The following BICRAL variants were observed in gnomAD, a reference collection of about 807,000 sequenced individuals.
BICRAL encodes BICRA like chromatin remodeling complex associated protein.
BICRAL carries 8 observed loss-of-function variants against 91.8 expected under a neutral mutation model. The ratio of observed to expected loss-of-function variants is 0.09; its 90% confidence interval spans 0.05 to 0.16. BICRAL has a LOEUF of 0.16. Ranked by LOEUF, BICRAL falls within the 10% of genes least tolerant of loss-of-function variation. The probability of loss-of-function intolerance (pLI) is 1.00; values close to 1 mark genes in which losing one functional copy is unlikely to be tolerated. For missense variants in BICRAL, 1,038 were observed against 1,310.9 expected, an observed-to-expected ratio of 0.79 and a Z score of 3.21; for synonymous variants, 445 against 491.1, an observed-to-expected ratio of 0.91 and a Z score of 1.24.
intron 6 of BICRAL, among the ~76,000 whole-genome samples, chr6:42,850,502 G>A (rs541850811): frequency 9.2e-5 from 14 of 151,556 alleles, no homozygotes; most frequent in African/African-American, 3.1e-4. Context: ...CCTGGGCAAC[G>A]GAGCACGACT....
chr6:42,811,965 C>T (rs1763855195), intron 2 of BICRAL, among the ~76,000 whole-genome samples: 1 of 152,134 alleles, frequency 6.6e-6, no homozygotes, highest in African/African-American at 2.4e-5. Context: ...AAGGATCAGA[C>T]ATTTTGTAAA....
Position 42,821,463 on chromosome 6 carries a change from C to T in BICRAL, c.-5-555C>T, listed in dbSNP as rs562134654. 3.9e-5 allele frequency among the ~76,000 whole-genome samples: 6 copies of T among 152,200 alleles called. No individual in the cohort carries two copies. In the South Asian group the frequency reaches 6.2e-4, roughly 16 times the overall value. ...CTGCTGCAAAAGGAGAATGTGGGAC[C>T]GGCCGGCCAGAGCCTGCAGAGACTG... On this transcript the variant is annotated intron_variant, in intron 2 of 12. Coordinates refer to ENST00000314073, the MANE Select transcript of BICRAL (RefSeq NM_001393499.1).
chr6:42,843,848 G>T (rs749122875), intron 6 of BICRAL, among the ~76,000 whole-genome samples: 4 of 143,796 alleles, frequency 2.8e-5, no homozygotes, highest in African/African-American at 1.0e-4. Context: ...TCACCCAGGC[G>T]AGTGCAATAG....
At chr6:42,784,045 C>T (rs985515807) in intron 1 of BICRAL, among the ~76,000 whole-genome samples, 1 of 152,132 alleles carries the variant, frequency 6.6e-6, no homozygotes, top group Non-Finnish European at 1.5e-5. Context: ...CGCTTCGTTT[C>T]TTAGTTTTAC....
intron 6 of BICRAL, among the ~76,000 whole-genome samples, chr6:42,848,355 C>T (rs943299616): frequency 6.6e-6 from 1 of 151,928 alleles, no homozygotes; most frequent in African/African-American, 2.4e-5. Flanking sequence ...GTCAAGGCTA[C>T]GGTGAGCTGT....
In BICRAL at chr6:42,829,082, G is replaced by A; in HGVS notation, c.749G>A (p.Ser250Asn). The A allele has an allele frequency of 6.2e-7, 1 of 1,614,162 alleles. No homozygotes were observed. Among genetic ancestry groups the A allele is most frequent in the Non-Finnish European group, 8.5e-7 (1 of 1,180,022 alleles). ...GSGQQAPSNV[S>N]GGLLVHRQTP... ...GGGCAGCAAGCCCCATCAAATGTGAGTGGAGGGCTCCTGGTTCATAGACAG... is the reference window on the plus strand; with the variant it reads ...GGGCAGCAAGCCCCATCAAATGTGAATGGAGGGCTCCTGGTTCATAGACAG... Residue 250 changes from serine (S) to asparagine (N), a missense_variant, in exon 6 of 13, where the codon AGT becomes AAT. Ser to Asn is a conservative substitution (Grantham distance 46). This residue lies in a region of BICRAL where 532 missense variants were observed against 724.9 expected (regional missense o/e 0.73). Coordinates refer to ENST00000314073, the MANE Select transcript of BICRAL (RefSeq NM_001393499.1).
At chr6:42,791,070 G>T (rs933913686) in intron 1 of BICRAL, among the ~76,000 whole-genome samples, 3 of 152,064 alleles carry the variant, frequency 2.0e-5, no homozygotes, top group Non-Finnish European at 4.4e-5. Flanking sequence ...CAGTTGAGGA[G>T]AGCTCAGGGG....
chr6:42,847,370 G>A (rs1402803346), intron 6 of BICRAL, among the ~76,000 whole-genome samples: 1 of 152,134 alleles, frequency 6.6e-6, no homozygotes, highest in Non-Finnish European at 1.5e-5. Flanking sequence ...AGTTTGCTGA[G>A]AGTTTTTTTC....
chr6:42,782,356 G>GGGGT (rs1467948012), intron 1 of BICRAL, among the ~76,000 whole-genome samples: 1 of 64,410 alleles, frequency 1.6e-5, no homozygotes, highest in African/African-American at 6.1e-5. Context: ...GGGGGGGTGG[G>GGGGT]TTTGTGGGTG....
intron 1 of BICRAL, among the ~76,000 whole-genome samples, chr6:42,774,175 A>C (rs1277556662): frequency 3.9e-5 from 6 of 152,138 alleles, no homozygotes; most frequent in African/African-American, 1.4e-4. Flanking sequence ...GGTTTGGAGG[A>C]GGAGAGGTCA....
At chr6:42,845,037 C>T (rs1042790983) in intron 6 of BICRAL, among the ~76,000 whole-genome samples, 1 of 151,782 alleles carries the variant, frequency 6.6e-6, no homozygotes, top group African/African-American at 2.4e-5. Context: ...GATTACTGGA[C>T]AGCTGTGGGG....
At chr6:42,750,644 C>T (rs977525984) in intron 1 of BICRAL, among the ~76,000 whole-genome samples, 1 of 152,104 alleles carries the variant, frequency 6.6e-6, no homozygotes, top group Non-Finnish European at 1.5e-5. Context: ...GGCGCGATCT[C>T]GGCTTACTGC....
chr6:42,835,202 C>CA (rs1030291300), intron 6 of BICRAL, among the ~76,000 whole-genome samples: 29 of 151,862 alleles, frequency 1.9e-4, no homozygotes, highest in African/African-American at 7.0e-4. Context: ...GATATCTGCT[C>CA]ACTGCAACCT....
chr6:42,857,614 A>AAAAAAAAAAAT, intron 10 of BICRAL, among the ~76,000 whole-genome samples: 10 of 96,242 alleles, frequency 1.0e-4, no homozygotes, highest in South Asian at 6.6e-4. Flanking sequence ...AAAAAAAAAA[A>AAAAAAAAAAAT]ATATATATAT....
rs138265432 is a variant in BICRAL, at chr6:42,865,241, A to G, written c.3035A>G (p.Lys1012Arg). 1.2e-3 allele frequency: 1,895 copies of G among 1,614,206 alleles called. 2 individuals carry two copies. Among genetic ancestry groups the G allele is most frequent in the Non-Finnish European group, 1.5e-3 (1,716 of 1,180,024 alleles). The change falls in exon 13 of 13, where the codon AAG becomes AGG. Residue 1012 changes from lysine (K) to arginine (R), a missense_variant. Lys to Arg is a conservative substitution (Grantham distance 26). Coordinates refer to ENST00000314073, the MANE Select transcript of BICRAL (RefSeq NM_001393499.1). Reference protein sequence around the residue: ...QLTKSLETTFKNILELKKAGR... With the variant: ...QLTKSLETTFRNILELKKAGR... ...ACAAAGAGCTTGGAAACCACATTTA[A>G]GAACATCTTGGAACTCAAAAAGGCG... is the stretch of plus-strand genomic sequence containing the variant.
intron 1 of BICRAL, among the ~76,000 whole-genome samples, chr6:42,752,386 G>A (rs1027435900): frequency 3.3e-5 from 5 of 152,220 alleles, no homozygotes; most frequent in African/African-American, 1.2e-4. Context: ...GATAAAAACA[G>A]ACATCGTCCC....
intron 1 of BICRAL, among the ~76,000 whole-genome samples, chr6:42,790,479 A>G (rs1221108828): frequency 6.6e-6 from 1 of 151,436 alleles, no homozygotes; most frequent in African/African-American, 2.4e-5. Context: ...TCCTGCCGAG[A>G]AAATCATTTT....
chr6:42,786,901 A>G (rs1399807174), intron 1 of BICRAL, among the ~76,000 whole-genome samples: 4 of 151,208 alleles, frequency 2.6e-5, no homozygotes, highest in Non-Finnish European at 4.4e-5. Context: ...GGAGTTGGAG[A>G]GATCCTATAG....
At chr6:42,761,862 C>T (rs1168816000) in intron 1 of BICRAL, among the ~76,000 whole-genome samples, 1 of 151,668 alleles carries the variant, frequency 6.6e-6, no homozygotes, top group African/African-American at 2.4e-5. Context: ...TTCAGCGAGC[C>T]ATGATTGCAT....
Sources: allele counts gnomAD v4.1 joint callset (sites outside exome capture counted in the v4.1 genomes callset), GRCh38; gene constraint gnomAD v4.1.1; regional missense constraint gnomAD v4.1.1; transcripts MANE v1.5; gene names NCBI Gene and HGNC (gene_info 2026-07-23, HGNC 2026-07-21).